RPS6KA5: variants seen among roughly 807,000 people sequenced by gnomAD.
The protein encoded by RPS6KA5 is ribosomal protein S6 kinase A5, also known as ribosomal protein S6 kinase alpha-5.
In RPS6KA5, 27 loss-of-function variants were observed where a neutral mutation model predicts 85.5. The ratio of observed to expected loss-of-function variants is 0.32; its 90% CI spans 0.23 to 0.44. RPS6KA5 has a LOEUF of 0.44. Ranked by LOEUF, RPS6KA5 falls within the 20% of genes least tolerant of loss-of-function variation. RPS6KA5 has a pLI of 1.00. For synonymous variants in RPS6KA5, 334 were observed against 348.2 expected, an observed-to-expected ratio of 0.96 and a Z score of 0.46; for missense variants, 811 against 980.9, an observed-to-expected ratio of 0.83 and a Z score of 2.31.
At chr14:90,878,108 A>G (rs1040790097) in intron 14 of RPS6KA5, among the ~76,000 whole-genome samples, 3 of 152,212 alleles carry the variant, frequency 2.0e-5, no homozygotes, top group African/African-American at 7.2e-5. Flanking sequence ...TTTGTGGGGT[A>G]ACTCAATACA....
intron 2 of RPS6KA5, among the ~76,000 whole-genome samples, chr14:90,996,874 T>C (rs1322963083): frequency 1.3e-5 from 2 of 152,200 alleles, no homozygotes; most frequent in African/African-American, 4.8e-5. Flanking sequence ...TCAAAAATAT[T>C]TGAGAAACTG....
Position 91,017,294 on chromosome 14 carries a change from A to C in RPS6KA5, c.104-16135T>G, listed in dbSNP as rs564211473. Among the ~76,000 whole-genome samples the C allele has an allele frequency of 2.6e-5, 4 of 152,344 alleles. No homozygotes were observed. In the East Asian group the frequency reaches 7.7e-4, roughly 29 times the overall value. ...GTGTTTTGTTCTTGCTGTAACAGAC[A>C]CTTACTCTGGATACAGATTTGCCTT... On this transcript the variant is annotated intron_variant, in intron 1 of 16. Coordinates refer to ENST00000614987, the MANE Select transcript of RPS6KA5 (RefSeq NM_004755.4).
Position 90,890,539 on chromosome 14 carries a change from T to C in RPS6KA5, c.1784A>G (p.Asn595Ser). The change falls in exon 14 of 17, where the codon AAT (asparagine) becomes AGT (serine). Residue 595 changes from asparagine (N) to serine (S), a missense_variant. Coordinates refer to ENST00000614987, the MANE Select transcript of RPS6KA5 (RefSeq NM_004755.4). ...ACAGGACTCATCGTAGCCGTTCTGA[T>C]TCAAGAGCTCTGGGGCGGCATAATG... Reference protein sequence around the residue: ...TLHYAAPELLNQNGYDESCDL... With the variant: ...TLHYAAPELLSQNGYDESCDL... The C allele has an allele frequency of 1.2e-6, 2 of 1,614,168 alleles. No individual in the cohort carries two copies. The highest frequency in any genetic ancestry group is 1.7e-6 in the Non-Finnish European group (2 of 1,180,018).
chr14:90,964,643 G>A (rs1329755508), intron 3 of RPS6KA5, among the ~76,000 whole-genome samples: 4 of 152,094 alleles, frequency 2.6e-5, no homozygotes, highest in Non-Finnish European at 5.9e-5. Context: ...GCTGCATGTG[G>A]TGGCTCACAT....
chr14:90,961,506 T>C (rs1048612580), intron 3 of RPS6KA5, among the ~76,000 whole-genome samples: 6 of 152,222 alleles, frequency 3.9e-5, no homozygotes, highest in Non-Finnish European at 8.8e-5. Context: ...GATCAACTAT[T>C]CTTTGGAAGA....
intron 2 of RPS6KA5, among the ~76,000 whole-genome samples, chr14:90,999,234 AAAAC>A (rs753299755): frequency 5.9e-4 from 90 of 152,248 alleles, no homozygotes; most frequent in South Asian, 2.1e-4. Flanking sequence ...AAAAAACAAA[AAAAC>A]AAACAGACAT....
intron 3 of RPS6KA5, among the ~76,000 whole-genome samples, chr14:90,962,943 T>C (rs981715367): frequency 1.3e-5 from 2 of 152,206 alleles, no homozygotes; most frequent in Non-Finnish European, 2.9e-5. Context: ...CACAGTATAA[T>C]TGTAAATATC....
chr14:90,872,238 T>G lies in RPS6KA5; in HGVS notation c.2245A>C (p.Thr749Pro). 1 of 1,614,028 alleles carries G rather than the reference T, an allele frequency of 6.2e-7. No homozygotes were observed. The highest frequency in any genetic ancestry group is 8.5e-7 in the Non-Finnish European group (1 of 1,180,018). The change falls in exon 17 of 17, where the codon ACT becomes CCT. Residue 749 changes from threonine (T) to proline (P), a missense_variant. Transcript: ENST00000614987. The part of the protein sequence containing the change: ...PLAKRRKMKK[T>P]STSTETRSSS... ...CTGCGCGTCTCGGTACTGGTGCTAGTCTTTTTCATTTTTCTTCTCTTAGCC... is the reference window on the plus strand; with the variant it reads ...CTGCGCGTCTCGGTACTGGTGCTAGGCTTTTTCATTTTTCTTCTCTTAGCC...
intron 9 of RPS6KA5, among the ~76,000 whole-genome samples, chr14:90,902,153 G>A (rs1487395208): frequency 6.6e-6 from 1 of 151,666 alleles, no homozygotes; most frequent in Non-Finnish European, 1.5e-5. Flanking sequence ...CTGCACTCCA[G>A]CCTGGGTGAC....
At chr14:91,052,096 G>C (rs971569721) in intron 1 of RPS6KA5, among the ~76,000 whole-genome samples, 1 of 151,826 alleles carries the variant, frequency 6.6e-6, no homozygotes, top group East Asian at 1.9e-4. Flanking sequence ...CTTATCCCAG[G>C]TCATATAGCA....
intron 7 of RPS6KA5, among the ~76,000 whole-genome samples, chr14:90,906,787 G>A (rs1402165219): frequency 1.3e-5 from 2 of 151,424 alleles, no homozygotes; most frequent in African/African-American, 4.9e-5. Flanking sequence ...TAAGAATGCA[G>A]AGGGAAGTCC....
At chr14:90,991,301 T>C (rs1159722265) in intron 2 of RPS6KA5, among the ~76,000 whole-genome samples, 1 of 152,112 alleles carries the variant, frequency 6.6e-6, no homozygotes, top group East Asian at 1.9e-4. Flanking sequence ...AAAGAATCCA[T>C]GCATAAGGTA....
chr14:91,023,114 T>C (rs1423657393), intron 1 of RPS6KA5, among the ~76,000 whole-genome samples: 2 of 149,228 alleles, frequency 1.3e-5, no homozygotes, highest in African/African-American at 4.9e-5. Context: ...ATTTGTGTAC[T>C]ACTCTTCTAC....
chr14:90,913,482 A>G (rs2035944637), intron 7 of RPS6KA5, among the ~76,000 whole-genome samples: 1 of 151,384 alleles, frequency 6.6e-6, no homozygotes, highest in African/African-American at 2.5e-5. Flanking sequence ...TCAATGGCTA[A>G]GGCTTCCTTA....
chr14:91,033,553 G>GATC (rs2042280355), intron 1 of RPS6KA5, among the ~76,000 whole-genome samples: 1 of 151,646 alleles, frequency 6.6e-6, no homozygotes, highest in South Asian at 2.1e-4. Flanking sequence ...AATGAGCCGA[G>GATC]ATCACGCCAC....
chr14:91,018,575 C>T (rs2041604664), intron 1 of RPS6KA5, among the ~76,000 whole-genome samples: 1 of 152,206 alleles, frequency 6.6e-6, no homozygotes, highest in African/African-American at 2.4e-5. Context: ...CATCTTTCTC[C>T]TATGCTGGAT....
Position 90,853,247 on chromosome 14 carries a change from A to T in RPS6KA5, c.*18827T>A, listed in dbSNP as rs1046246839. 6.6e-6 allele frequency: 1 copy of T among 152,194 alleles called. No individual in the cohort carries two copies. The highest frequency in any genetic ancestry group is 1.5e-5 in the Non-Finnish European group (1 of 68,040). 9.4% of individuals were successfully genotyped at this position (152,194 alleles called of 1,614,324 possible). A position where few individuals can be genotyped will look rare whatever the true frequency, so the allele number is the denominator to read the frequency against. On this transcript the variant is annotated 3_prime_UTR_variant, in exon 17 of 17. Transcript: ENST00000614987. ...TATAAGGGATGAAGATGTCATAATG[A>T]TATTTTCCACTGTAGAAACTTCTTA...
chr14:90,997,839 C>T (rs372678303), intron 2 of RPS6KA5, among the ~76,000 whole-genome samples: 1 of 151,650 alleles, frequency 6.6e-6, no homozygotes, highest in Non-Finnish European at 1.5e-5. Context: ...AGTGAAACCC[C>T]GTCTCTATTA....
intron 1 of RPS6KA5, among the ~76,000 whole-genome samples, chr14:91,035,846 TCAAAAAAAAAAAAA>T (rs2042377419): frequency 3.2e-5 from 1 of 31,266 alleles, no homozygotes; most frequent in Non-Finnish European, 5.4e-5. Context: ...ACCCTCACCT[TCAAAAAAAAAAAAA>T]AAAAAAAAAA....
Sources: allele counts gnomAD v4.1 joint callset (sites outside exome capture counted in the v4.1 genomes callset), GRCh38; gene constraint gnomAD v4.1.1; transcripts MANE v1.5; gene names NCBI Gene and HGNC (gene_info 2026-07-23, HGNC 2026-07-21).